ECT2L: variants seen among roughly 807,000 people sequenced by gnomAD.
ECT2L encodes the protein epithelial cell transforming 2 like, also known as epithelial cell-transforming sequence 2 oncogene-like.
ECT2L carries 126 observed loss-of-function variants against 122.8 expected under a neutral mutation model. The observed-to-expected ratio is 1.03, with a 90% CI of 0.89 to 1.19. The LOEUF is 1.19. Among genes scored for constraint, ECT2L ranks in the 50% most tolerant of loss-of-function variants. ECT2L has a pLI of 0.00. For missense variants in ECT2L, 1,012 were observed against 1,064.1 expected (o/e 0.95, Z 0.68); for synonymous variants, 385 against 381.8 (o/e 1.01, Z -0.10).
At chr6:138,837,692 A>G (rs1776889184) in intron 4 of ECT2L, among the ~76,000 whole-genome samples, 1 of 152,090 alleles carries the variant, frequency 6.6e-6, no homozygotes, top group East Asian at 1.9e-4. Flanking sequence ...TCCACACACA[A>G]GAAAATCTCA....
At chr6:138,863,862 C>G (rs1777927771) in intron 11 of ECT2L, among the ~76,000 whole-genome samples, 1 of 151,374 alleles carries the variant, frequency 6.6e-6, no homozygotes, top group Non-Finnish European at 1.5e-5. Flanking sequence ...GATCCGCCCG[C>G]CTCAGCCTCC....
At chr6:138,836,391 C>T (rs1028227415) in intron 4 of ECT2L, among the ~76,000 whole-genome samples, 2 of 150,826 alleles carry the variant, frequency 1.3e-5, no homozygotes, top group African/African-American at 4.9e-5. Flanking sequence ...CATGTTCAAG[C>T]GATTCTCCTG....
chr6:138,899,266 A>G (rs2128415203), intron 20 of ECT2L, among the ~76,000 whole-genome samples: 1 of 152,326 alleles, frequency 6.6e-6, no homozygotes, highest in East Asian at 1.9e-4. Context: ...AGAAGAGTTG[A>G]ATAAATGATG....
chr6:138,821,805 A>T (rs1269215449), intron 4 of ECT2L, among the ~76,000 whole-genome samples: 1 of 152,246 alleles, frequency 6.6e-6, no homozygotes, highest in Non-Finnish European at 1.5e-5. Flanking sequence ...TAAAACTAAA[A>T]TAGAAAAAGG....
At chr6:138,850,326 G>A (rs1409537968) in intron 9 of ECT2L, among the ~76,000 whole-genome samples, 1 of 151,992 alleles carries the variant, frequency 6.6e-6, no homozygotes, top group Non-Finnish European at 1.5e-5. Context: ...TCTATTTTTA[G>A]TAGAGACAGG....
rs769702911 is a variant in ECT2L at position 138,882,878 on chromosome 6, G to C, written c.2028+7G>C. On this transcript the variant is annotated splice_region_variant and intron_variant, in intron 16 of 21. Transcript: ENST00000541398. ...TCTGAAAACTATTGAGAAGGTAAATGAGTTTCAATTCCATCATTCTATAAG... is the reference window on the plus strand; with the variant it reads ...TCTGAAAACTATTGAGAAGGTAAATCAGTTTCAATTCCATCATTCTATAAG... 4 of 1,594,906 alleles carry C rather than the reference G, an allele frequency of 2.5e-6. No homozygotes were observed. The Admixed American group carries it at 6.7e-5, about 27-fold the overall frequency.
intron 10 of ECT2L, among the ~76,000 whole-genome samples, chr6:138,855,801 C>T (rs1777592087): frequency 6.6e-6 from 1 of 152,126 alleles, no homozygotes; most frequent in Non-Finnish European, 1.5e-5. Flanking sequence ...TGTATTTTGT[C>T]TCAATTTCCT....
chr6:138,885,022 C>CTTTTTTTTTTTTTTTTTTTTTTTTT, intron 16 of ECT2L, among the ~76,000 whole-genome samples: 1 of 78,852 alleles, frequency 1.3e-5, no homozygotes, highest in Non-Finnish European at 2.4e-5. Context: ...AACACACATT[C>CTTTTTTTTTTTTTTTTTTTTTTTTT]TTTTTTTTTT....
intron 10 of ECT2L, among the ~76,000 whole-genome samples, chr6:138,856,095 C>T (rs1777600275): frequency 6.6e-6 from 1 of 152,240 alleles, no homozygotes; most frequent in African/African-American, 2.4e-5. Context: ...CCACTTCAGG[C>T]ATCCCTCTTA....
rs77975719 is a variant in ECT2L, at chr6:138,853,492, A to G, written c.1070-534A>G. ...AGAATTCTTTGCCTGTTTTCATTTC[A>G]TCACCGGAGCCTGGGGATGCGGAGT... is the stretch of plus-strand genomic sequence containing the variant. On this transcript the variant is annotated intron_variant, in intron 9 of 21. Transcript: ENST00000541398. Among the ~76,000 whole-genome samples, 1,303 of 152,200 alleles carry G rather than the reference A, an allele frequency of 8.6e-3. 21 individuals are homozygous for G. The highest frequency in any genetic ancestry group is 0.03 in the African/African-American group (1,235 of 41,530).
chr6:138,835,623 C>T (rs923545364), intron 4 of ECT2L, among the ~76,000 whole-genome samples: 1 of 151,678 alleles, frequency 6.6e-6, no homozygotes, highest in African/African-American at 2.4e-5. Flanking sequence ...TATTTAGAAT[C>T]ACTTGAGAGT....
rs555441925 is a variant in ECT2L, at chr6:138,810,858, C to T, written c.-243-1980C>T. Among the ~76,000 whole-genome samples the T allele has an allele frequency of 4.6e-5, 7 of 152,204 alleles. No individual in the cohort carries two copies. In the South Asian group the frequency reaches 1.5e-3, roughly 32 times the overall value. ...TATCTATAGAGAGACCCTTGTGAAT[C>T]GTTTTTAGCTCATGAGCTCTGTGCT... On this transcript the variant is annotated intron_variant, in intron 1 of 21. Coordinates refer to ENST00000541398, the MANE Select transcript of ECT2L (RefSeq NM_001077706.3).
intron 4 of ECT2L, among the ~76,000 whole-genome samples, chr6:138,834,894 T>TACAC (rs544584441): frequency 0.049 from 6,676 of 137,232 alleles, 253 homozygotes; most frequent in Admixed American, 0.13. Context: ...TGCCCCCGTT[T>TACAC]ACACACACAC....
intron 1 of ECT2L, among the ~76,000 whole-genome samples, chr6:138,806,669 C>T (rs1024569383): frequency 1.3e-4 from 20 of 151,894 alleles, no homozygotes; most frequent in Non-Finnish European, 2.2e-4. Context: ...CCCACCACCA[C>T]GCCCAGCTAA....
intron 20 of ECT2L, 49 bp from the exon 21 acceptor site, chr6:138,900,899 A>C (rs1224650899): frequency 6.4e-7 from 1 of 1,559,866 alleles, no homozygotes; most frequent in African/African-American, 1.4e-5. Flanking sequence ...CTATGTAACA[A>C]AGCATGTATG....
At chr6:138,885,394 C>A in intron 16 of ECT2L, 112 bp from the exon 17 acceptor site, 1 of 970,622 alleles carries the variant, frequency 1.0e-6, no homozygotes, top group Non-Finnish European at 1.6e-6. Context: ...ATTGGTTAGA[C>A]ATAGATGTTG....
chr6:138,887,995 T>C (rs1489238513), intron 19 of ECT2L, among the ~76,000 whole-genome samples: 1 of 152,224 alleles, frequency 6.6e-6, no homozygotes, highest in African/African-American at 2.4e-5. Context: ...ATGATTTACT[T>C]GCCTTCTCAT....
At chr6:138,838,635 T>G (rs898207647) in intron 5 of ECT2L, 121 bp downstream of exon 5, 1 of 973,530 alleles carries the variant, frequency 1.0e-6, no homozygotes, top group Admixed American at 3.6e-5. Flanking sequence ...CATCATTAAC[T>G]TACCCTTGAG....
chr6:138,864,077 T>C (rs887869068), intron 11 of ECT2L, among the ~76,000 whole-genome samples: 18 of 145,268 alleles, frequency 1.2e-4, no homozygotes, highest in African/African-American at 4.7e-4. Flanking sequence ...TCCCAGCACT[T>C]TGGGAGGCTG....
Sources: allele counts gnomAD v4.1 joint callset (sites outside exome capture counted in the v4.1 genomes callset), GRCh38; gene constraint gnomAD v4.1.1; transcripts MANE v1.5; gene names NCBI Gene and HGNC (gene_info 2026-07-23, HGNC 2026-07-21).